AGBL3: variants seen among roughly 807,000 people sequenced by gnomAD.
AGBL3 encodes the protein cytosolic carboxypeptidase 3.
A neutral mutation model predicts 94.5 loss-of-function variants in AGBL3; 68 were observed. The ratio of observed to expected loss-of-function variants is 0.72; its 90% CI spans 0.59 to 0.88. The LOEUF (loss-of-function observed/expected upper bound fraction) is 0.88. AGBL3 is among the 40% of genes least tolerant of loss of function. AGBL3 has a pLI of 0.00. For synonymous variants in AGBL3, 354 were observed against 370.7 expected, an observed-to-expected ratio of 0.95 and a Z score of 0.52; for missense variants, 934 against 1,103.8, an observed-to-expected ratio of 0.85 and a Z score of 2.18.
intron 15 of AGBL3, among the ~76,000 whole-genome samples, chr7:135,111,500 C>G (rs1346341741): frequency 6.6e-6 from 1 of 152,186 alleles, no homozygotes; most frequent in African/African-American, 2.4e-5. Context: ...CATCCCATGT[C>G]TCAGTCAGTG....
chr7:135,129,247 G>A, intron 16 of AGBL3: 3 of 1,515,658 alleles, frequency 2.0e-6, no homozygotes, highest in Middle Eastern at 3.4e-4. Context: ...TACATCATGG[G>A]TATCTGCTCC....
At chr7:135,089,842 T>A (rs189602973) in intron 15 of AGBL3, among the ~76,000 whole-genome samples, 1 of 152,152 alleles carries the variant, frequency 6.6e-6, no homozygotes, top group African/African-American at 2.4e-5. Flanking sequence ...TGCAGGTGCT[T>A]GGAGTGGTTG....
At chr7:135,056,873 T>C (rs923714814) in intron 11 of AGBL3, among the ~76,000 whole-genome samples, 7 of 152,162 alleles carry the variant, frequency 4.6e-5, no homozygotes, top group Non-Finnish European at 7.4e-5. Flanking sequence ...TTTGTGGCTA[T>C]AGACAAACTA....
intron 15 of AGBL3, among the ~76,000 whole-genome samples, chr7:135,104,769 G>A (rs1473670748): frequency 1.3e-5 from 2 of 148,914 alleles, no homozygotes; most frequent in Admixed American, 6.7e-5. Context: ...TTTTAATGGG[G>A]CTGTTTGGTT....
At chr7:135,096,623 AGG>A (rs1822855765) in intron 15 of AGBL3, among the ~76,000 whole-genome samples, 1 of 149,726 alleles carries the variant, frequency 6.7e-6, no homozygotes, top group African/African-American at 2.5e-5. Flanking sequence ...ATAGATAGAT[AGG>A]GCTATTCTTT....
At chr7:135,125,697 T>C (rs765343641) in intron 16 of AGBL3, among the ~76,000 whole-genome samples, 6 of 152,220 alleles carry the variant, frequency 3.9e-5, no homozygotes, top group Non-Finnish European at 5.9e-5. Flanking sequence ...GTATCCACCA[T>C]GATGAAGTTG....
chr7:135,034,483 T>G lies in AGBL3; in HGVS notation c.892T>G (p.Cys298Gly), dbSNP rs1426356475. The change falls in exon 7 of 17, where the codon TGC becomes GGC. Residue 298 changes from cysteine (C) to glycine (G), a missense_variant. This residue lies in a region of AGBL3 where 488 missense variants were observed against 563.6 expected (regional missense o/e 0.87). Coordinates refer to ENST00000436302, the MANE Select transcript of AGBL3 (RefSeq NM_178563.4). Reference sequence around the variant, plus strand: ...CAAAGATACCTGCTACTTTGCTCATTGCTATCCATACACTTACACCAACCT... The same window carrying G: ...CAAAGATACCTGCTACTTTGCTCATGGCTATCCATACACTTACACCAACCT... Reference protein sequence around the residue: ...HNKDTCYFAHCYPYTYTNLQE... With the variant: ...HNKDTCYFAHGYPYTYTNLQE... 6.4e-7 allele frequency: 1 copy of G among 1,551,870 alleles called. No individual in the cohort carries two copies.
chr7:135,113,858 T>C lies in AGBL3; in HGVS notation c.2111-1522T>C, dbSNP rs557305956. Among the ~76,000 whole-genome samples the C allele has an allele frequency of 1.5e-3, 228 of 152,342 alleles. 2 individuals carry two copies. Among genetic ancestry groups the C allele is most frequent in the African/African-American group, 5.3e-3 (219 of 41,574 alleles). ...AACCATCCTTCTACTTTTGTGTCTA[T>C]GAATTTGACTGCTCTAGTCAAATAG... is the stretch of plus-strand genomic sequence containing the variant. On this transcript the variant is annotated intron_variant, in intron 15 of 16. Coordinates refer to ENST00000436302, the MANE Select transcript of AGBL3 (RefSeq NM_178563.4).
intron 11 of AGBL3, among the ~76,000 whole-genome samples, chr7:135,051,417 T>C (rs148774195): frequency 2.7e-4 from 41 of 152,244 alleles, no homozygotes; most frequent in African/African-American, 9.6e-4. Context: ...CCTGTGTTTT[T>C]TGACATGACT....
At chr7:135,007,096 A>G (rs750877509) in intron 4 of AGBL3, among the ~76,000 whole-genome samples, 13 of 151,910 alleles carry the variant, frequency 8.6e-5, no homozygotes, top group Non-Finnish European at 1.6e-4. Flanking sequence ...AATTCTTCCA[A>G]ACATTTAATG....
intron 15 of AGBL3, among the ~76,000 whole-genome samples, chr7:135,089,246 C>A (rs1327095697): frequency 6.6e-6 from 1 of 152,120 alleles, no homozygotes; most frequent in East Asian, 1.9e-4. Flanking sequence ...TTCTTATTCA[C>A]ATTATGAACT....
At chr7:135,006,527 A>T (rs1468456740) in intron 4 of AGBL3, among the ~76,000 whole-genome samples, 1 of 151,952 alleles carries the variant, frequency 6.6e-6, no homozygotes, top group Non-Finnish European at 1.5e-5. Flanking sequence ...CAGTGGACTA[A>T]CTTGAACAAC....
chr7:135,057,730 C>T (rs1818463876), intron 11 of AGBL3, among the ~76,000 whole-genome samples: 1 of 152,102 alleles, frequency 6.6e-6, no homozygotes, highest in South Asian at 2.1e-4. Flanking sequence ...CCAAAATGTC[C>T]TTCAATAGGT....
At chr7:135,050,879 TTTGA>T (rs1817814667) in intron 11 of AGBL3, 1 of 282,240 alleles carries the variant, frequency 3.5e-6, no homozygotes, top group South Asian at 3.2e-5. Flanking sequence ...TTCTGTGTCC[TTTGA>T]TTGAGTTTAG....
At chr7:135,028,972 T>G (rs1815440543) in intron 5 of AGBL3, among the ~76,000 whole-genome samples, 1 of 152,230 alleles carries the variant, frequency 6.6e-6, no homozygotes, top group East Asian at 1.9e-4. Flanking sequence ...GCAGTAATAT[T>G]TTAAAAGGAA....
Position 135,118,968 on chromosome 7 carries a change from G to C in AGBL3, c.2342+3357G>C, listed in dbSNP as rs980170433. ...ATAGAAAAATAGAAATTACCCAACT[G>C]AACATAAGAGAAAAAATAGGCTTAA... On this transcript the variant is annotated intron_variant, in intron 16 of 16. Coordinates refer to ENST00000436302, the MANE Select transcript of AGBL3 (RefSeq NM_178563.4). Among the ~76,000 whole-genome samples, 49 of 152,040 alleles carry C rather than the reference G, an allele frequency of 3.2e-4. 1 individual carries two copies. Among genetic ancestry groups the C allele is most frequent in the African/African-American group, 9.9e-4 (41 of 41,414 alleles).
intron 16 of AGBL3, among the ~76,000 whole-genome samples, chr7:135,119,365 G>T (rs1272419628): frequency 7.0e-6 from 1 of 142,336 alleles, no homozygotes; most frequent in African/African-American, 2.6e-5. Flanking sequence ...GAGTAGCTGG[G>T]GTTATAGGCA....
At position 135,037,531 on chromosome 7, in the gene AGBL3, T is replaced by C. The variant is rs1315012975; in HGVS notation, c.1451T>C (p.Leu484Ser). 1.9e-6 allele frequency: 3 copies of C among 1,546,092 alleles called. No homozygotes were observed. The highest frequency in any genetic ancestry group is 2.6e-6 in the Non-Finnish European group (3 of 1,144,422). Reference sequence around the variant, plus strand: ...AGTGACAGATCTAAGACATTATACTTACAGCAACGAATCTTCCCACTTATG... The same window carrying C: ...AGTGACAGATCTAAGACATTATACTCACAGCAACGAATCTTCCCACTTATG... The part of the protein sequence containing the change: ...DGSDRSKTLY[L>S]QQRIFPLMLS... The change falls in exon 8 of 17, where the codon TTA becomes TCA. Residue 484 changes from leucine to serine, a missense_variant. Coordinates refer to ENST00000436302, the MANE Select transcript of AGBL3 (RefSeq NM_178563.4).
intron 8 of AGBL3, among the ~76,000 whole-genome samples, chr7:135,038,431 A>G (rs1222597433): frequency 6.6e-6 from 1 of 152,242 alleles, no homozygotes; most frequent in East Asian, 1.9e-4. Context: ...ACTCTTAGGT[A>G]TAGTTTATTA....
Sources: gnomAD v4.1 joint callset for allele counts (sites outside exome capture counted in the v4.1 genomes callset) on GRCh38, gnomAD v4.1.1 for gene constraint, gnomAD v4.1.1 regional missense constraint, MANE v1.5 for transcripts, NCBI Gene and HGNC (gene_info 2026-07-23, HGNC 2026-07-21) for gene names.